AGR3: variants seen among roughly 807,000 people sequenced by gnomAD.
AGR3 encodes the protein anterior gradient protein 3.
Under a neutral mutation model 24.5 loss-of-function variants are expected in AGR3, and 37 were observed. The observed-to-expected ratio is 1.51, with a 90% CI of 1.16 to 1.99. The LOEUF (loss-of-function observed/expected upper bound fraction) is 1.99, where lower values mean the gene tolerates loss of function less well. Ranked by LOEUF, AGR3 falls within the 30% of genes most tolerant of loss-of-function variation. AGR3 has a pLI of 0.00. For missense variants in AGR3, 228 were observed against 191.1 expected (o/e 1.19, Z -1.14); for synonymous variants, 75 against 61.6 (o/e 1.22, Z -1.02).
intron 4 of AGR3, 54 bp downstream of exon 4, chr7:16,862,556 A>AT: frequency 1.7e-6 from 2 of 1,195,166 alleles, no homozygotes; most frequent in Non-Finnish European, 2.2e-6. Flanking sequence ...CACTTTTCCT[A>AT]TTTTATATTG....
downstream of AGR3, among the ~76,000 whole-genome samples, chr7:16,855,947 T>C (rs1781551269): frequency 6.6e-6 from 1 of 151,860 alleles, no homozygotes; most frequent in South Asian, 2.1e-4. Context: ...CCCTATAATA[T>C]ACCTGATTTT....
intron 2 of AGR3, among the ~76,000 whole-genome samples, chr7:16,877,659 C>G (rs1032417245): frequency 4.0e-5 from 6 of 151,722 alleles, no homozygotes; most frequent in East Asian, 1.9e-4. Flanking sequence ...GTCAGGAGAT[C>G]GAGACCATCC....
At chr7:16,865,617 G>C (rs1192120141) in intron 3 of AGR3, 6 of 744,070 alleles carry the variant, frequency 8.1e-6, no homozygotes, top group Non-Finnish European at 1.2e-5. Flanking sequence ...CCTATAAACT[G>C]GTTAGGTAAA....
intron 3 of AGR3, chr7:16,865,252 G>A (rs544674296): frequency 1.2e-6 from 1 of 838,152 alleles, no homozygotes; most frequent in Non-Finnish European, 2.0e-6. Context: ...TTTTTCCTTG[G>A]CCATAAGTTG....
chr7:16,878,477 C>G (rs751637161), intron 2 of AGR3, 33 bp downstream of exon 2: 39 of 1,573,082 alleles, frequency 2.5e-5, no homozygotes, highest in Middle Eastern at 1.7e-4. Context: ...ATCCAAATGA[C>G]TGAGTTTAGA....
intron 3 of AGR3, among the ~76,000 whole-genome samples, chr7:16,862,891 T>C (rs948533810): frequency 6.6e-6 from 1 of 152,146 alleles, no homozygotes; most frequent in African/African-American, 2.4e-5. Flanking sequence ...AAAGGCTCCG[T>C]TCCCAAATCA....
chr7:16,865,004 C>A, intron 3 of AGR3: 3 of 912,582 alleles, frequency 3.3e-6, no homozygotes, highest in South Asian at 2.6e-5. Flanking sequence ...ACTACCTCCT[C>A]AGGTTCAACA....
chr7:16,878,566 G>A lies in AGR3; in HGVS notation c.53C>T (p.Ser18Phe). The A allele has an allele frequency of 6.2e-7, 1 of 1,614,150 alleles. No individual in the cohort carries two copies. The highest frequency in any genetic ancestry group is 1.3e-5 in the African/African-American group (1 of 75,044). The part of the protein sequence containing the change: ...GLCLLLVTVS[S>F]NLAIAIKKEK... ...CTTTTTTATTGCAATGGCAAGGTTG[G>A]AAGAAACTGTGACGAGTAAGAGGCA... The change falls in exon 2 of 8, where the codon TCC becomes TTC. Residue 18 changes from serine to phenylalanine, a missense_variant. Ser to Phe is a radical substitution (Grantham distance 155, BLOSUM62 -2). Coordinates refer to ENST00000310398, the MANE Select transcript of AGR3 (RefSeq NM_176813.5).
chr7:16,877,535 C>G (rs1316125843), intron 2 of AGR3, among the ~76,000 whole-genome samples: 1 of 151,792 alleles, frequency 6.6e-6, no homozygotes, highest in Non-Finnish European at 1.5e-5. Context: ...TCTGTTCCTA[C>G]TTCTGTTACT....
At chr7:16,862,708 T>A in intron 3 of AGR3, 46 bp from the exon 4 acceptor site, 1 of 1,346,150 alleles carries the variant, frequency 7.4e-7, no homozygotes, top group South Asian at 1.3e-5. Flanking sequence ...TAACTTTGGG[T>A]CAAAATATAC....
At chr7:16,855,399 GAA>G (rs879455865), downstream of AGR3, among the ~76,000 whole-genome samples, 43,212 of 151,844 alleles carry the variant, frequency 0.28, 6,390 homozygotes, top group South Asian at 0.39. Flanking sequence ...TAAACTTCTA[GAA>G]TTCATTCCAG....
downstream of AGR3, among the ~76,000 whole-genome samples, chr7:16,857,163 G>C (rs779864055): frequency 6.6e-6 from 1 of 151,960 alleles, no homozygotes; most frequent in East Asian, 1.9e-4. Flanking sequence ...GTTTGTTAAA[G>C]TGGGTAGAGA....
intron 2 of AGR3, among the ~76,000 whole-genome samples, chr7:16,875,106 C>G (rs991473186): frequency 9.5e-6 from 1 of 104,844 alleles, no homozygotes; most frequent in African/African-American, 3.5e-5. Flanking sequence ...CAGAGCGAGA[C>G]TCCATCTCAA....
chr7:16,875,008 C>T (rs1013189924), intron 2 of AGR3, among the ~76,000 whole-genome samples: 3 of 151,094 alleles, frequency 2.0e-5, no homozygotes, highest in African/African-American at 7.3e-5. Flanking sequence ...CCCAGCTACT[C>T]GGGAGGCTGA....
chr7:16,865,931 G>T, intron 3 of AGR3: 1 of 701,984 alleles, frequency 1.4e-6, no homozygotes, highest in East Asian at 2.6e-5. Context: ...ATCCTGTTTT[G>T]GTTGCCTTTC....
At chr7:16,863,005 G>C (rs4570040) in intron 3 of AGR3, among the ~76,000 whole-genome samples, 129,694 of 152,052 alleles carry the variant, frequency 0.85, 58,469 homozygotes, top group Non-Finnish European at 1. Context: ...CAGGAGGTGA[G>C]GTTGCGGTGA....
intron 3 of AGR3, chr7:16,866,260 C>A: frequency 1.9e-6 from 1 of 533,680 alleles, no homozygotes. Flanking sequence ...TCAATCCAGT[C>A]TGTTACCTTT....
rs1562554499 is a variant in AGR3 at position 16,881,928 on chromosome 7, A to G, written c.-28+16T>C. The stretch of plus-strand genomic sequence containing the variant: ...TTGACCACTGATTAAGTAATCTGGA[A>G]AATTTGCTTGCTTACCTGACTTGGC... On this transcript the variant is annotated intron_variant, in intron 1 of 7. Transcript: ENST00000310398. The G allele has an allele frequency of 4.2e-6, 2 of 471,090 alleles. No individual in the cohort carries two copies. The highest frequency in any genetic ancestry group is 8.8e-6 in the Non-Finnish European group (2 of 227,016). The allele number at this position is 471,090 out of a possible 1,614,324, so 29.2% of individuals were successfully genotyped here.
intron 2 of AGR3, among the ~76,000 whole-genome samples, chr7:16,877,831 C>G (rs1399713378): frequency 6.9e-6 from 1 of 144,872 alleles, no homozygotes; most frequent in Non-Finnish European, 1.5e-5. Flanking sequence ...CCACTACACT[C>G]CAGCCTGGGT....
Sources: gnomAD v4.1 joint callset for allele counts (sites outside exome capture counted in the v4.1 genomes callset) on GRCh38, gnomAD v4.1.1 for gene constraint, MANE v1.5 for transcripts, NCBI Gene and HGNC (gene_info 2026-07-23, HGNC 2026-07-21) for gene names.